The following KCNG2 variants were observed in gnomAD, a reference collection of about 807,000 sequenced individuals.
The protein encoded by KCNG2 is potassium voltage-gated channel modifier subfamily G member 2, also known as voltage-gated potassium channel regulatory subunit KCNG2.
In KCNG2, 7 loss-of-function variants were observed where a neutral mutation model predicts 12.3. The observed-to-expected ratio is 0.57, with a 90% CI of 0.32 to 1.07. The LOEUF is 1.07. KCNG2 is among the 50% of genes least tolerant of loss of function. The pLI, the probability that KCNG2 is intolerant of heterozygous loss-of-function variation, is 0.04. For synonymous variants in KCNG2, 414 were observed against 351.4 expected (o/e 1.18, Z -1.99); for missense variants, 703 against 726.0 (o/e 0.97, Z 0.36).
In KCNG2 at chr18:79,881,777, A is replaced by G. The variant is rs573704809; in HGVS notation, c.625-17263A>G. ...AACATCTTTATGGAAAGGCCTAGGA[A>G]CCGTTTTGAAAAAGCAGCAGTTGGA... On this transcript the variant is annotated intron_variant, in intron 3 of 3. Coordinates refer to ENST00000316249, the MANE Select transcript of KCNG2 (RefSeq NM_012283.2). Among the ~76,000 whole-genome samples, 4 of 152,342 alleles carry G rather than the reference A, an allele frequency of 2.6e-5. No individual in the cohort carries two copies. In the South Asian group the frequency reaches 8.3e-4, roughly 32 times the overall value.
rs144980805 is a variant in KCNG2, at chr18:79,799,259, G to A, written c.-115+1245G>A. 2.1e-3 allele frequency among the ~76,000 whole-genome samples: 323 copies of A among 152,342 alleles called. 1 individual carries two copies. The highest frequency in any genetic ancestry group is 3.9e-3 in the Admixed American group (59 of 15,312). ...GCGGGCCACATGCCACAGGGGCACG[G>A]ACTCAGCCCTGAGTGGTTTTCGTTC... On this transcript the variant is annotated intron_variant, in intron 1 of 3. Coordinates refer to ENST00000316249, the MANE Select transcript of KCNG2 (RefSeq NM_012283.2).
At chr18:79,856,809 C>G (rs973370399) in intron 2 of KCNG2, among the ~76,000 whole-genome samples, 2 of 152,020 alleles carry the variant, frequency 1.3e-5, no homozygotes, top group African/African-American at 4.8e-5. Context: ...GTTCAGACGA[C>G]TTCCTGCTGC....
intron 1 of KCNG2, among the ~76,000 whole-genome samples, chr18:79,818,113 GAACGA>G (rs1486166249): frequency 6.6e-6 from 1 of 152,234 alleles, no homozygotes; most frequent in Non-Finnish European, 1.5e-5. Flanking sequence ...AGGCCAGGAA[GAACGA>G]GCCACAGAGG....
chr18:79,880,596 C>G (rs1198887631), intron 3 of KCNG2, among the ~76,000 whole-genome samples: 1 of 152,160 alleles, frequency 6.6e-6, no homozygotes, highest in Non-Finnish European at 1.5e-5. Context: ...CTTCCCAACT[C>G]ATTCCAAGAG....
intron 1 of KCNG2, among the ~76,000 whole-genome samples, chr18:79,806,104 G>A (rs1000795158): frequency 6.6e-6 from 1 of 152,222 alleles, no homozygotes; most frequent in African/African-American, 2.4e-5. Flanking sequence ...CCAGGGTGCA[G>A]GACAGCAGGT....
At chr18:79,856,865 G>C (rs960172651) in intron 2 of KCNG2, among the ~76,000 whole-genome samples, 1 of 151,854 alleles carries the variant, frequency 6.6e-6, no homozygotes, top group East Asian at 1.9e-4. Context: ...CGGCAGGTTG[G>C]AACCTTCAGA....
At chr18:79,864,324 C>A in intron 3 of KCNG2, 33 bp downstream of exon 3, 1 of 1,026,162 alleles carries the variant, frequency 9.7e-7, no homozygotes, top group Non-Finnish European at 1.3e-6. Flanking sequence ...GGGACCGGGC[C>A]GGAGCTGGGG....
At chr18:79,883,937 C>G (rs1372988061) in intron 3 of KCNG2, among the ~76,000 whole-genome samples, 1 of 152,188 alleles carries the variant, frequency 6.6e-6, no homozygotes, top group African/African-American at 2.4e-5. Flanking sequence ...CACGAGGGCT[C>G]CATGCAGCCC....
At chr18:79,861,114 A>G (rs1329206671) in intron 2 of KCNG2, among the ~76,000 whole-genome samples, 1 of 152,172 alleles carries the variant, frequency 6.6e-6, no homozygotes, top group Non-Finnish European at 1.5e-5. Flanking sequence ...TGAGCGTATT[A>G]TAGTAATTTT....
intron 3 of KCNG2, among the ~76,000 whole-genome samples, chr18:79,888,954 C>T (rs1980651277): frequency 1.3e-5 from 2 of 152,316 alleles, no homozygotes; most frequent in African/African-American, 4.8e-5. Flanking sequence ...ACTGGGATTA[C>T]AAGCATGAGC....
chr18:79,898,597 T>TCCG (rs1981064784), intron 3 of KCNG2, among the ~76,000 whole-genome samples: 5 of 152,182 alleles, frequency 3.3e-5, no homozygotes, highest in Non-Finnish European at 7.3e-5. Flanking sequence ...GGGGTCTGTG[T>TCCG]TCGTGGCTGC....
chr18:79,820,089 G>A lies in KCNG2; in HGVS notation c.-115+22075G>A, dbSNP rs139165042. ...TATTCTGTGTCTGGGCAGTGCCCTC[G>A]TGCAGGGTACCCCACACTGTGTGCG... On this transcript the variant is annotated intron_variant, in intron 1 of 3. Coordinates refer to ENST00000316249, the MANE Select transcript of KCNG2 (RefSeq NM_012283.2). 4.2e-3 allele frequency among the ~76,000 whole-genome samples: 647 copies of A among 152,318 alleles called. 8 individuals carry two copies. Among genetic ancestry groups the A allele is most frequent in the African/African-American group, 0.014 (597 of 41,564 alleles).
chr18:79,895,486 G>A (rs1379187725), intron 3 of KCNG2, among the ~76,000 whole-genome samples: 11 of 149,934 alleles, frequency 7.3e-5, no homozygotes, highest in Admixed American at 6.0e-4. Context: ...GGTTGTTCAT[G>A]CCATTAATAA....
intron 1 of KCNG2, among the ~76,000 whole-genome samples, chr18:79,823,811 A>G (rs2123009234): frequency 6.6e-6 from 1 of 152,304 alleles, no homozygotes; most frequent in East Asian, 1.9e-4. Context: ...GATTGAGTGG[A>G]ACTGATGAGC....
intron 1 of KCNG2, among the ~76,000 whole-genome samples, chr18:79,828,908 GTGTC>G (rs753554468): frequency 2.1e-5 from 3 of 142,806 alleles, no homozygotes; most frequent in Non-Finnish European, 3.0e-5. Flanking sequence ...ATGTGTGCAT[GTGTC>G]TGTGTGTGTC....
intron 2 of KCNG2, 78 bp from the exon 3 acceptor site, chr18:79,863,550 G>GGCCCC: frequency 9.2e-7 from 1 of 1,082,204 alleles, no homozygotes; most frequent in Non-Finnish European, 1.1e-6. Flanking sequence ...GTGCCGGCCC[G>GGCCCC]GCCCCTGGAT....
chr18:79,866,095 TGTTCTGAGGTCTGG>T (rs1979519933), intron 3 of KCNG2, among the ~76,000 whole-genome samples: 1 of 143,284 alleles, frequency 7.0e-6, no homozygotes. Flanking sequence ...GAGAGGTCTG[TGTTCTGAGGTCTGG>T]GTGCTGAGAG....
At chr18:79,898,808 T>C (rs939286283) in intron 3 of KCNG2, among the ~76,000 whole-genome samples, 1 of 152,274 alleles carries the variant, frequency 6.6e-6, no homozygotes, top group South Asian at 2.1e-4. Context: ...GTTTCCTGGG[T>C]CAGCTAAGCG....
chr18:79,857,499 C>G (rs763357120), intron 2 of KCNG2, among the ~76,000 whole-genome samples: 15 of 152,106 alleles, frequency 9.9e-5, no homozygotes, highest in Middle Eastern at 3.4e-3. Flanking sequence ...CCTAAAATCT[C>G]TAATGAATCA....
Sources: allele counts gnomAD v4.1 joint callset (sites outside exome capture counted in the v4.1 genomes callset), GRCh38; gene constraint gnomAD v4.1.1; transcripts MANE v1.5; gene names NCBI Gene and HGNC (gene_info 2026-07-23, HGNC 2026-07-21).